Variants in SPI1 observed in about 807,000 individuals in gnomAD.
The protein encoded by SPI1 is Spi-1 proto-oncogene.
Under a neutral mutation model 30.7 loss-of-function variants are expected in SPI1, and 3 were observed. That is an observed-to-expected ratio of 0.10 (90% confidence interval 0.04 to 0.25). The LOEUF (loss-of-function observed/expected upper bound fraction) is 0.25, where lower values mean the gene tolerates loss of function less well. Among genes scored for constraint, SPI1 ranks in the 10% least tolerant of loss-of-function variants. The pLI is 1.00. For synonymous variants in SPI1, 169 were observed against 157.1 expected, an observed-to-expected ratio of 1.08 and a Z score of -0.56; for missense variants, 261 against 371.5, an observed-to-expected ratio of 0.70 and a Z score of 2.45.
At position 47,374,619 on chromosome 11, in the gene SPI1, G is replaced by A. The variant is rs983329281; in HGVS notation, c.142+1014C>T. On this transcript the variant is annotated intron_variant, in intron 2 of 4. Coordinates refer to ENST00000378538, the MANE Select transcript of SPI1 (RefSeq NM_003120.3). This position sits in a 1 kb window ranked among gnomAD's most constrained non-coding sequence, Gnocchi z 4.5. ...CCTCTGAGGTGCAGACACCCCAGTC[G>A]CTGGTCTGCCCGGGTCCCAGACGCC... is the stretch of plus-strand genomic sequence containing the variant. Among the ~76,000 whole-genome samples, 1 of 152,198 alleles carries A rather than the reference G, an allele frequency of 6.6e-6. No homozygotes were observed. Among genetic ancestry groups the A allele is most frequent in the South Asian group, 2.1e-4 (1 of 4,834 alleles).
rs1407114940 is a variant in SPI1 at position 47,374,530 on chromosome 11, C to T, written c.142+1103G>A. ...CAGGTGCATCTGCAGAATGGAGCTA[C>T]AGGCATGACTGGCCGCAGGGGTGGC... is the stretch of plus-strand genomic sequence containing the variant. On this transcript the variant is annotated intron_variant, in intron 2 of 4. Coordinates refer to ENST00000378538, the MANE Select transcript of SPI1 (RefSeq NM_003120.3). The surrounding 1 kb of genome is among the most constrained non-coding windows in gnomAD (Gnocchi z 4.5). 6.6e-6 allele frequency among the ~76,000 whole-genome samples: 1 copy of T among 152,184 alleles called. No individual in the cohort carries two copies. The highest frequency in any genetic ancestry group is 1.5e-5 in the Non-Finnish European group (1 of 68,028).
chr11:47,365,778 C>T (rs1003152777), intron 2 of SPI1, among the ~76,000 whole-genome samples: 18 of 152,250 alleles, frequency 1.2e-4, no homozygotes, highest in Admixed American at 3.3e-4. Context: ...CTCACTGCAA[C>T]CTCCGCCTCC....
chr11:47,373,138 G>C (rs1025013857), intron 2 of SPI1, among the ~76,000 whole-genome samples: 7 of 151,732 alleles, frequency 4.6e-5, no homozygotes, highest in African/African-American at 1.7e-4. Flanking sequence ...GGATCACCAG[G>C]TCAGGAGTTC....
chr11:47,365,853 C>T (rs966787717), intron 2 of SPI1, among the ~76,000 whole-genome samples: 1 of 152,134 alleles, frequency 6.6e-6, no homozygotes, highest in Non-Finnish European at 1.5e-5. Flanking sequence ...CCTGCCACTC[C>T]GCCCAACTAA....
chr11:47,357,008 C>T (rs1451937528), intron 4 of SPI1, among the ~76,000 whole-genome samples: 4 of 150,880 alleles, frequency 2.7e-5, no homozygotes, highest in East Asian at 2.0e-4. Context: ...ACACACACTT[C>T]CTCACACACC....
chr11:47,365,001 G>C (rs11039204), intron 2 of SPI1, among the ~76,000 whole-genome samples: 2,585 of 152,244 alleles, frequency 0.017, 39 homozygotes, highest in Non-Finnish European at 0.026. Context: ...TGGATACCTC[G>C]CCTTTACCTG....
At chr11:47,356,300 G>A (rs1595854097) in intron 4 of SPI1, among the ~76,000 whole-genome samples, 1 of 146,166 alleles carries the variant, frequency 6.8e-6, no homozygotes, top group East Asian at 2.1e-4. Flanking sequence ...CCACCCACAT[G>A]TTCAAACCCA....
chr11:47,358,368 ACTG>A lies in SPI1; in HGVS notation c.493+473_493+475del. 8.3e-6 allele frequency: 5 copies of A among 603,496 alleles called. No homozygotes were observed. The South Asian group carries it at 9.3e-5, about 11-fold the overall frequency. 37.4% of individuals were successfully genotyped at this position (603,496 alleles called of 1,614,324 possible). ...CCTGCTCACACAGGCACACCCACAC[ACTG>A]CTGACACCCACTGACATCATACGTG... is the stretch of plus-strand genomic sequence containing the variant. On this transcript the variant is annotated intron_variant, in intron 4 of 4. Transcript: ENST00000378538.
chr11:47,362,570 C>CTTTTTT (rs377422572), intron 2 of SPI1, among the ~76,000 whole-genome samples: 6 of 108,050 alleles, frequency 5.6e-5, no homozygotes, highest in African/African-American at 1.4e-4. Context: ...GACCCTGTCT[C>CTTTTTT]TTTTTTTTTT....
At chr11:47,355,810 GCAC>G (rs2095907591) in intron 4 of SPI1, among the ~76,000 whole-genome samples, 1 of 143,226 alleles carries the variant, frequency 7.0e-6, no homozygotes, top group Admixed American at 7.0e-5. Flanking sequence ...CCCACACAGT[GCAC>G]CAAGTACACA....
At chr11:47,372,276 G>A (rs2095936948) in intron 2 of SPI1, among the ~76,000 whole-genome samples, 1 of 152,042 alleles carries the variant, frequency 6.6e-6, no homozygotes, top group Non-Finnish European at 1.5e-5. Context: ...ATTTCTAGTA[G>A]AGATGGGGTT....
Position 47,360,049 on chromosome 11 carries a change from G to C in SPI1, c.143-9C>G, listed in dbSNP as rs777111732. ...GAAGTCCCAGTAATGGTCTGTGGGG[G>C]ACAGCCAGGCAGTATGGGGTGAGCT... On this transcript the variant is annotated splice_polypyrimidine_tract_variant and intron_variant, in intron 2 of 4. Transcript: ENST00000378538. 2 of 1,546,358 alleles carry C rather than the reference G, an allele frequency of 1.3e-6. No individual in the cohort carries two copies. Among genetic ancestry groups the C allele is most frequent in the East Asian group, 2.3e-5 (1 of 43,366 alleles).
chr11:47,378,376 A>G lies in SPI1; in HGVS notation c.-23T>C, dbSNP rs745499890. 1 of 1,609,578 alleles carries G rather than the reference A, an allele frequency of 6.2e-7. No homozygotes were observed. Among genetic ancestry groups the G allele is most frequent in the Non-Finnish European group, 8.5e-7 (1 of 1,178,088 alleles). Reference sequence around the variant, plus strand: ...CATCCAGCCGGGCTCCGAGTCGGTCAGATCCCCTGCCTCGGTGGGGGCCAA... The same window carrying G: ...CATCCAGCCGGGCTCCGAGTCGGTCGGATCCCCTGCCTCGGTGGGGGCCAA... On this transcript the variant is annotated 5_prime_UTR_variant, in exon 1 of 5. Coordinates refer to ENST00000378538, the MANE Select transcript of SPI1 (RefSeq NM_003120.3).
chr11:47,360,184 G>A (rs1595857630), intron 2 of SPI1, 144 bp from the exon 3 acceptor site: 3 of 718,532 alleles, frequency 4.2e-6, no homozygotes, highest in African/African-American at 3.6e-5. Flanking sequence ...GTTACTCTAG[G>A]CCTGCATTTT....
intron 2 of SPI1, among the ~76,000 whole-genome samples, chr11:47,363,764 A>G (rs1595859290): frequency 6.6e-6 from 1 of 151,612 alleles, no homozygotes; most frequent in Non-Finnish European, 1.5e-5. Context: ...GGAGTTTGAG[A>G]CCAGCCTGGC....
rs1250424368 is a variant in SPI1 at position 47,355,582 on chromosome 11, G to C, written c.494-36C>G. The C allele has an allele frequency of 6.6e-6, 10 of 1,515,736 alleles. No homozygotes were observed. The South Asian group carries it at 1.3e-4, about 19-fold the overall frequency. 93.9% of individuals were successfully genotyped at this position (1,515,736 alleles called of 1,614,324 possible). On this transcript the variant is annotated intron_variant, in intron 4 of 4. Transcript: ENST00000378538. ...GAGGGCCCGGTGGGAGGGGGCCCGG[G>C]GCCCACATGGGAGCCGCCCCCACCG...
At chr11:47,367,369 C>T (rs924954521) in intron 2 of SPI1, among the ~76,000 whole-genome samples, 2 of 151,970 alleles carry the variant, frequency 1.3e-5, no homozygotes, top group African/African-American at 4.8e-5. Context: ...GCCTGGTCAA[C>T]ATGGTGAAAC....
rs1422816848 is a variant in SPI1 at position 47,374,691 on chromosome 11, G to A, written c.142+942C>T. ...ACTCACCCACTGACTAGGCCACCTC[G>A]CTTTGGGTCAGGGATGTCTACATCA... On this transcript the variant is annotated intron_variant, in intron 2 of 4. Transcript: ENST00000378538. This position sits in a 1 kb window ranked among gnomAD's most constrained non-coding sequence, Gnocchi z 4.5. Among the ~76,000 whole-genome samples the A allele has an allele frequency of 6.6e-6, 1 of 152,200 alleles. No homozygotes were observed. The highest frequency in any genetic ancestry group is 1.5e-5 in the Non-Finnish European group (1 of 68,036).
intron 4 of SPI1, among the ~76,000 whole-genome samples, chr11:47,357,393 C>T (rs1031531072): frequency 4.6e-5 from 7 of 152,088 alleles, no homozygotes; most frequent in African/African-American, 1.7e-4. Flanking sequence ...CACGCATGCA[C>T]ATACATTCTG....
Sources: gnomAD v4.1 joint callset for allele counts (sites outside exome capture counted in the v4.1 genomes callset) on GRCh38, gnomAD v4.1.1 for gene constraint, Gnocchi (gnomAD v3.1) non-coding constraint, MANE v1.5 for transcripts, NCBI Gene and HGNC (gene_info 2026-07-23, HGNC 2026-07-21) for gene names.